Variants in BANK1 observed in about 807,000 individuals in gnomAD.
BANK1 encodes the protein B cell scaffold protein with ankyrin repeats 1.
In BANK1, 95 loss-of-function variants were observed where a neutral mutation model predicts 94.5. That is an observed-to-expected ratio of 1.00 (90% CI 0.85 to 1.19). The LOEUF is 1.19. Ranked by LOEUF, BANK1 falls within the 50% of genes most tolerant of loss-of-function variation. The probability of loss-of-function intolerance (pLI) is 0.00; values close to 1 mark genes in which losing one functional copy is unlikely to be tolerated. For synonymous variants in BANK1, 334 were observed against 308.4 expected (o/e 1.08, Z -0.87); for missense variants, 987 against 932.2 (o/e 1.06, Z -0.77).
intron 7 of BANK1, among the ~76,000 whole-genome samples, chr4:101,994,409 G>A (rs556574646): frequency 2.0e-5 from 3 of 152,110 alleles, no homozygotes; most frequent in Non-Finnish European, 4.4e-5. Context: ...TTTGGACAGG[G>A]TTGTACATTA....
At position 102,071,294 on chromosome 4, in the gene BANK1, C is replaced by T; in HGVS notation, c.2232C>T (p.His744=). ...TTCCAGATAAACTCACCATTGTGCA[C>T]CATCCAGGTGGTAAGTGCTTGGTAT... The part of the protein sequence containing the change: ...ENVYNKLTIV[H]HPGGKETAHN... The change falls in exon 14 of 17, where the codon CAC becomes CAT. Residue 744 remains histidine, a synonymous_variant. Transcript: ENST00000322953. 1.2e-6 allele frequency: 2 copies of T among 1,613,786 alleles called. No homozygotes were observed. The highest frequency in any genetic ancestry group is 1.3e-5 in the African/African-American group (1 of 74,994).
At chr4:101,864,866 A>G (rs998332281) in intron 4 of BANK1, among the ~76,000 whole-genome samples, 3 of 152,188 alleles carry the variant, frequency 2.0e-5, no homozygotes, top group African/African-American at 4.8e-5. Context: ...TGGCTTCTCT[A>G]TGTCACATTC....
At chr4:101,831,917 T>G (rs1726637421) in intron 2 of BANK1, among the ~76,000 whole-genome samples, 1 of 152,256 alleles carries the variant, frequency 6.6e-6, no homozygotes, top group African/African-American at 2.4e-5. Flanking sequence ...GCAGTCAAGC[T>G]GTCCAGAGCT....
intron 7 of BANK1, among the ~76,000 whole-genome samples, chr4:101,950,982 G>T (rs770315805): frequency 3.3e-5 from 5 of 152,048 alleles, no homozygotes; most frequent in Non-Finnish European, 7.4e-5. Context: ...AGAAACTGTC[G>T]CAGACAAGAA....
intron 7 of BANK1, among the ~76,000 whole-genome samples, chr4:101,921,574 T>C (rs1439336940): frequency 1.3e-5 from 2 of 151,914 alleles, no homozygotes; most frequent in South Asian, 4.1e-4. Context: ...TTAGCTCACA[T>C]ATGTCACCCC....
At chr4:101,808,434 A>G (rs947465660) in intron 1 of BANK1, among the ~76,000 whole-genome samples, 3 of 152,190 alleles carry the variant, frequency 2.0e-5, no homozygotes, top group African/African-American at 4.8e-5. Flanking sequence ...GCTACTTTCA[A>G]GGTCCTTGGA....
chr4:101,900,528 C>T (rs1172783850), intron 6 of BANK1, among the ~76,000 whole-genome samples: 1 of 152,064 alleles, frequency 6.6e-6, no homozygotes, highest in Non-Finnish European at 1.5e-5. Context: ...GTGGCTGTCA[C>T]CTGGGTGTTA....
At chr4:101,981,736 T>G (rs1725330370) in intron 7 of BANK1, 1 of 152,126 alleles carries the variant, frequency 6.6e-6, no homozygotes, top group Admixed American at 6.6e-5. Flanking sequence ...CTATACCTTT[T>G]CTAAGCTACT....
chr4:101,906,603 A>G (rs1291411328), intron 6 of BANK1, among the ~76,000 whole-genome samples: 2 of 152,160 alleles, frequency 1.3e-5, no homozygotes, highest in South Asian at 2.1e-4. Context: ...GTAAATAAAC[A>G]TGCTGTGTAA....
chr4:101,975,450 A>G (rs941667089), intron 7 of BANK1, among the ~76,000 whole-genome samples: 1 of 152,144 alleles, frequency 6.6e-6, no homozygotes, highest in African/African-American at 2.4e-5. Flanking sequence ...GAGAGATTGT[A>G]GAATATGGTG....
At chr4:101,912,265 T>C (rs1176726319) in intron 6 of BANK1, among the ~76,000 whole-genome samples, 1 of 152,142 alleles carries the variant, frequency 6.6e-6, no homozygotes, top group Non-Finnish European at 1.5e-5. Context: ...TCCCTCCCCT[T>C]TCTAAAAGGA....
At chr4:101,983,172 C>T (rs1020123638) in intron 7 of BANK1, among the ~76,000 whole-genome samples, 2 of 151,866 alleles carry the variant, frequency 1.3e-5, no homozygotes, top group Non-Finnish European at 2.9e-5. Flanking sequence ...GTATGTGAAG[C>T]GCAAAGCCAA....
chr4:101,911,576 T>G (rs1170601089), intron 6 of BANK1, among the ~76,000 whole-genome samples: 5 of 152,170 alleles, frequency 3.3e-5, no homozygotes, highest in Admixed American at 2.0e-4. Context: ...AAAAATTTAT[T>G]ATATTAATTA....
intron 1 of BANK1, among the ~76,000 whole-genome samples, chr4:101,815,222 C>A (rs1725868183): frequency 1.3e-5 from 2 of 152,096 alleles, no homozygotes; most frequent in South Asian, 4.1e-4. Context: ...AGAACATATG[C>A]CCTCATGCTA....
chr4:102,008,930 C>G (rs74878522), intron 7 of BANK1, among the ~76,000 whole-genome samples: 1 of 152,148 alleles, frequency 6.6e-6, no homozygotes. Context: ...CGGAGAAAAA[C>G]GAACAGGGAA....
intron 7 of BANK1, among the ~76,000 whole-genome samples, chr4:102,015,461 T>C (rs1186511218): frequency 6.6e-6 from 1 of 152,072 alleles, no homozygotes; most frequent in East Asian, 1.9e-4. Context: ...ACATCCCCAC[T>C]CCAAATTTAA....
intron 3 of BANK1, among the ~76,000 whole-genome samples, chr4:101,855,419 T>C (rs1727646089): frequency 6.6e-6 from 1 of 152,214 alleles, no homozygotes; most frequent in African/African-American, 2.4e-5. Context: ...TTCACAAGAA[T>C]GCAAGCTCCA....
At chr4:101,845,156 C>T (rs577597977) in intron 2 of BANK1, among the ~76,000 whole-genome samples, 15 of 152,136 alleles carry the variant, frequency 9.9e-5, no homozygotes, top group African/African-American at 3.6e-4. Context: ...TATTCCGTTC[C>T]ATGATGTGAT....
chr4:101,851,664 G>C (rs951604790), intron 2 of BANK1, among the ~76,000 whole-genome samples: 1 of 152,114 alleles, frequency 6.6e-6, no homozygotes, highest in Non-Finnish European at 1.5e-5. Flanking sequence ...AGAGAGCCAA[G>C]CCTACACATT....
Sources: allele counts gnomAD v4.1 joint callset (sites outside exome capture counted in the v4.1 genomes callset), GRCh38; gene constraint gnomAD v4.1.1; transcripts MANE v1.5; gene names NCBI Gene and HGNC (gene_info 2026-07-23, HGNC 2026-07-21).